The following BBS9 variants were observed in gnomAD, a reference collection of about 807,000 sequenced individuals.
The protein encoded by BBS9 is Bardet-Biedl syndrome 9.
In BBS9, 89 loss-of-function variants were observed where a neutral mutation model predicts 117.7. The observed-to-expected ratio is 0.76, with a 90% CI of 0.64 to 0.90. The LOEUF is 0.90. Among genes scored for constraint, BBS9 ranks in the 40% least tolerant of loss-of-function variants. The pLI, the probability that BBS9 is intolerant of heterozygous loss-of-function variation, is 0.00. For missense variants in BBS9, 982 were observed against 1,042.2 expected (o/e 0.94, Z 0.80); for synonymous variants, 379 against 370.9 (o/e 1.02, Z -0.25).
chr7:33,530,944 T>C (rs1004638188), intron 20 of BBS9, among the ~76,000 whole-genome samples: 1 of 152,138 alleles, frequency 6.6e-6, no homozygotes, highest in African/African-American at 2.4e-5. Flanking sequence ...TGCACTTTGA[T>C]CTGAAGAACC....
intron 19 of BBS9, among the ~76,000 whole-genome samples, chr7:33,406,145 A>T (rs1311554184): frequency 6.6e-6 from 1 of 151,774 alleles, no homozygotes; most frequent in African/African-American, 2.4e-5. Flanking sequence ...CATGTAGTTG[A>T]GTGGTTTTGA....
Position 33,485,929 on chromosome 7 carries a change from T to TG in BBS9, c.2116-19533dup, listed in dbSNP as rs1843054155. Among the ~76,000 whole-genome samples, 2 of 152,204 alleles carry TG rather than the reference T, an allele frequency of 1.3e-5. 1 individual carries two copies. The highest frequency in any genetic ancestry group is 1.3e-4 in the Admixed American group (2 of 15,290). ...GAATTCATTCACTGATTGAATCCAGTGCCTGATGACTCATGAGTAGTTAGG... is the reference window on the plus strand; with the variant it reads ...GAATTCATTCACTGATTGAATCCAGTGGCCTGATGACTCATGAGTAGTTAGG... On this transcript the variant is annotated intron_variant, in intron 19 of 22. Coordinates refer to ENST00000242067, the MANE Select transcript of BBS9 (RefSeq NM_198428.3).
chr7:33,156,668 T>TTGAA (rs1452644414), intron 4 of BBS9, among the ~76,000 whole-genome samples: 10 of 152,184 alleles, frequency 6.6e-5, no homozygotes, highest in African/African-American at 2.4e-4. Flanking sequence ...TAAATACTTG[T>TTGAA]TGAATGAATG....
chr7:33,430,568 C>G (rs983094464), intron 19 of BBS9, among the ~76,000 whole-genome samples: 1 of 152,192 alleles, frequency 6.6e-6, no homozygotes, highest in Non-Finnish European at 1.5e-5. Flanking sequence ...GGAGGGAACT[C>G]TAGTTCCTTG....
intron 5 of BBS9, among the ~76,000 whole-genome samples, chr7:33,227,755 A>G (rs902451272): frequency 6.6e-6 from 1 of 152,178 alleles, no homozygotes; most frequent in Non-Finnish European, 1.5e-5. Context: ...AATGGCCTCC[A>G]GCTCCATCCA....
At chr7:33,386,102 C>T (rs1825958983) in intron 18 of BBS9, among the ~76,000 whole-genome samples, 1 of 151,512 alleles carries the variant, frequency 6.6e-6, no homozygotes, top group Non-Finnish European at 1.5e-5. Context: ...GCACGTTGTG[C>T]ACATGTACCC....
chr7:33,614,778 G>A (rs1313279459), intron 21 of BBS9, among the ~76,000 whole-genome samples: 1 of 152,074 alleles, frequency 6.6e-6, no homozygotes, highest in Non-Finnish European at 1.5e-5. Flanking sequence ...GCTTGACCAT[G>A]TTCTGAAGTG....
intron 21 of BBS9, among the ~76,000 whole-genome samples, chr7:33,567,699 A>G (rs896780315): frequency 2.6e-5 from 4 of 152,184 alleles, no homozygotes; most frequent in African/African-American, 7.2e-5. Flanking sequence ...CTCTAGATCC[A>G]TACATCCAGT....
intron 9 of BBS9, chr7:33,314,612 G>C (rs1377812034): frequency 6.5e-6 from 1 of 153,020 alleles, no homozygotes; most frequent in Non-Finnish European, 1.5e-5. Context: ...TAGTGTGTTT[G>C]TATTTGCTTA....
At chr7:33,565,789 A>ACCGC (rs1416998865) in intron 21 of BBS9, among the ~76,000 whole-genome samples, 3 of 30,380 alleles carry the variant, frequency 9.9e-5, no homozygotes, top group African/African-American at 4.3e-4. Flanking sequence ...TAGTATATAT[A>ACCGC]TATATATATA....
intron 21 of BBS9, among the ~76,000 whole-genome samples, chr7:33,559,821 C>A (rs974749173): frequency 6.6e-6 from 1 of 152,104 alleles, no homozygotes; most frequent in Non-Finnish European, 1.5e-5. Flanking sequence ...TACTTGCCAC[C>A]AGCAATTATG....
At chr7:33,553,238 A>G (rs1854738514) in intron 21 of BBS9, among the ~76,000 whole-genome samples, 2 of 152,152 alleles carry the variant, frequency 1.3e-5, no homozygotes, top group Non-Finnish European at 2.9e-5. Context: ...TCATAATTGC[A>G]TCTTCATTGT....
intron 17 of BBS9, among the ~76,000 whole-genome samples, chr7:33,368,240 A>G (rs191566146): frequency 6.6e-6 from 1 of 152,278 alleles, no homozygotes; most frequent in South Asian, 2.1e-4. Context: ...GGGAACTCCT[A>G]GAACTTGGAA....
chr7:33,472,302 C>T (rs946085461), intron 19 of BBS9, among the ~76,000 whole-genome samples: 8 of 152,116 alleles, frequency 5.3e-5, no homozygotes, highest in African/African-American at 1.4e-4. Flanking sequence ...TGGATAAAGG[C>T]CTAGACCTTG....
chr7:33,444,442 C>T (rs1836685085), intron 19 of BBS9, among the ~76,000 whole-genome samples: 2 of 152,108 alleles, frequency 1.3e-5, no homozygotes, highest in African/African-American at 4.8e-5. Flanking sequence ...ACTTCTGGAG[C>T]TGCCATAATG....
intron 9 of BBS9, among the ~76,000 whole-genome samples, chr7:33,302,101 T>C (rs938225596): frequency 2.0e-5 from 3 of 152,142 alleles, no homozygotes; most frequent in Non-Finnish European, 2.9e-5. Flanking sequence ...TATTCAGATC[T>C]TTTGCCCGTT....
chr7:33,316,596 G>T (rs1255069546), intron 9 of BBS9, among the ~76,000 whole-genome samples: 1 of 152,168 alleles, frequency 6.6e-6, no homozygotes, highest in African/African-American at 2.4e-5. Flanking sequence ...TCTAATGTGT[G>T]TATGGTGCTA....
chr7:33,525,927 C>G (rs1849419313), intron 20 of BBS9, among the ~76,000 whole-genome samples: 1 of 151,492 alleles, frequency 6.6e-6, no homozygotes, highest in Non-Finnish European at 1.5e-5. Flanking sequence ...TTCCGGAGCT[C>G]TTTTAGGGCA....
intron 21 of BBS9, among the ~76,000 whole-genome samples, chr7:33,541,556 C>CATCAACTGAT (rs538652858): frequency 2.0e-4 from 30 of 152,234 alleles, no homozygotes; most frequent in Non-Finnish European, 4.0e-4. Flanking sequence ...TCCAAATATC[C>CATCAACTGAT]ATCAACTGAT....
Sources: allele counts gnomAD v4.1 joint callset (sites outside exome capture counted in the v4.1 genomes callset), GRCh38; gene constraint gnomAD v4.1.1; transcripts MANE v1.5; gene names NCBI Gene and HGNC (gene_info 2026-07-23, HGNC 2026-07-21).